The following FARP1 variants were observed in gnomAD, a reference collection of about 807,000 sequenced individuals.
FARP1 encodes FERM, ARHGEF and pleckstrin domain-containing protein 1.
Under a neutral mutation model 128.8 loss-of-function variants are expected in FARP1, and 52 were observed. The ratio of observed to expected loss-of-function variants is 0.40; its 90% CI spans 0.32 to 0.51. The LOEUF is 0.51. Ranked by LOEUF, FARP1 falls within the 20% of genes least tolerant of loss-of-function variation. The probability of loss-of-function intolerance (pLI) is 0.45; values close to 1 mark genes in which losing one functional copy is unlikely to be tolerated. For synonymous variants in FARP1, 580 were observed against 551.8 expected (o/e 1.05, Z -0.72); for missense variants, 1,333 against 1,367.9 (o/e 0.97, Z 0.40).
At chr13:98,347,726 A>C (rs1466676525) in intron 3 of FARP1, among the ~76,000 whole-genome samples, 2 of 152,088 alleles carry the variant, frequency 1.3e-5, no homozygotes, top group African/African-American at 4.8e-5. Context: ...ATTATTTTTT[A>C]ATATCACCAT....
In FARP1 at chr13:98,296,688, C is replaced by CTTT. The variant is rs11420681; in HGVS notation, c.172-47058_172-47056dup. ...TACAAATATAAAGTGACTTAATGGC[C>CTTT]TTTTTTTTTTTTTTTTTTCCTGAGA... On this transcript the variant is annotated intron_variant, in intron 2 of 26. Transcript: ENST00000319562. Among the ~76,000 whole-genome samples the CTTT allele has an allele frequency of 4.5e-4, 56 of 123,266 alleles. 2 individuals are homozygous for CTTT. The highest frequency in any genetic ancestry group is 1.0e-3 in the African/African-American group (34 of 32,382). 80.9% of individuals were successfully genotyped at this position (123,266 alleles called of 152,430 possible).
At chr13:98,402,984 T>A (rs751606081) in intron 13 of FARP1, 21 of 152,246 alleles carry the variant, frequency 1.4e-4, no homozygotes, top group Non-Finnish European at 2.1e-4. Context: ...CTTGTCAGCA[T>A]GTACCTATCT....
At chr13:98,442,244 A>T (rs1481990861) in intron 24 of FARP1, among the ~76,000 whole-genome samples, 2 of 152,230 alleles carry the variant, frequency 1.3e-5, no homozygotes, top group Non-Finnish European at 2.9e-5. Context: ...TCAGGCCAGG[A>T]CAGGAGTTTG....
At chr13:98,448,121 C>A in intron 26 of FARP1, 115 bp from the exon 27 acceptor site, 1 of 840,614 alleles carries the variant, frequency 1.2e-6, no homozygotes, top group Non-Finnish European at 2.0e-6. Flanking sequence ...GCTGAAGTGG[C>A]AGATTACCAA....
chr13:98,365,767 G>A (rs957575702), intron 4 of FARP1, among the ~76,000 whole-genome samples: 28 of 152,206 alleles, frequency 1.8e-4, no homozygotes, highest in African/African-American at 6.8e-4. Flanking sequence ...AAGGGAAGAG[G>A]TGGAGCCATT....
Position 98,453,106 on chromosome 13 carries a change from CTT to C in FARP1, c.*4792_*4793del. On this transcript the variant is annotated 3_prime_UTR_variant, in exon 27 of 27. Coordinates refer to ENST00000319562, the MANE Select transcript of FARP1 (RefSeq NM_005766.4). The stretch of plus-strand genomic sequence containing the variant: ...TGGAGTCAGCGAAGGCTCTCGTTGA[CTT>C]TTAAAAAAGGAGGAGGATGAAGAAG... The C allele has an allele frequency of 6.3e-7, 1 of 1,593,588 alleles. No homozygotes were observed.
intron 2 of FARP1, among the ~76,000 whole-genome samples, chr13:98,315,583 G>T (rs1440273943): frequency 6.6e-6 from 1 of 152,232 alleles, no homozygotes; most frequent in Non-Finnish European, 1.5e-5. Flanking sequence ...AAAGTGCCAT[G>T]TGCAGTAGGA....
At chr13:98,278,335 G>A (rs1331618779) in intron 2 of FARP1, among the ~76,000 whole-genome samples, 1 of 152,120 alleles carries the variant, frequency 6.6e-6, no homozygotes, top group African/African-American at 2.4e-5. Context: ...GTGTATATGT[G>A]TGTGAGTGTG....
At position 98,295,080 on chromosome 13, in the gene FARP1, CACACACACACACACACACACACACATAT is replaced by C. The variant is rs1391622876; in HGVS notation, c.172-48680_172-48653del. 6.4e-3 allele frequency among the ~76,000 whole-genome samples: 646 copies of C among 101,610 alleles called. 16 individuals carry two copies. Among genetic ancestry groups the C allele is most frequent in the South Asian group, 0.036 (105 of 2,924 alleles). The allele number at this position is 101,610 out of a possible 152,430, so 66.7% of individuals were successfully genotyped here. Reference sequence around the variant, plus strand: ...ACACACACACACACACACACACACACACACACACACACACACACACACACATATATCCCCAGGCATTATTTATTTATTT... The same window carrying C: ...ACACACACACACACACACACACACACATCCCCAGGCATTATTTATTTATTT... On this transcript the variant is annotated intron_variant, in intron 2 of 26. Coordinates refer to ENST00000319562, the MANE Select transcript of FARP1 (RefSeq NM_005766.4).
intron 1 of FARP1, among the ~76,000 whole-genome samples, chr13:98,149,898 C>T (rs1253087389): frequency 1.9e-4 from 28 of 149,214 alleles, no homozygotes; most frequent in African/African-American, 4.5e-4. Flanking sequence ...CCACCATGCC[C>T]GGCTAATTTT....
At chr13:98,242,916 A>G (rs1417580875) in intron 2 of FARP1, among the ~76,000 whole-genome samples, 1 of 152,188 alleles carries the variant, frequency 6.6e-6, no homozygotes, top group Non-Finnish European at 1.5e-5. Flanking sequence ...TTTCTGTGGG[A>G]AGAACTTAGG....
intron 2 of FARP1, among the ~76,000 whole-genome samples, chr13:98,290,542 G>A (rs934669467): frequency 6.6e-6 from 1 of 152,056 alleles, no homozygotes; most frequent in East Asian, 1.9e-4. Context: ...GGGACAGTGT[G>A]GTATAGGGTT....
At chr13:98,384,872 C>A in intron 7 of FARP1, 28 bp downstream of exon 7, 1 of 1,407,680 alleles carries the variant, frequency 7.1e-7, no homozygotes, top group Non-Finnish European at 1.0e-6. Context: ...CTTCATATTC[C>A]CTCTGAGCCG....
chr13:98,216,106 G>T (rs764004526), intron 2 of FARP1, among the ~76,000 whole-genome samples: 1 of 152,130 alleles, frequency 6.6e-6, no homozygotes, highest in Non-Finnish European at 1.5e-5. Context: ...AATTTTTCTA[G>T]TTTGGTCAGA....
intron 2 of FARP1, among the ~76,000 whole-genome samples, chr13:98,319,655 C>T (rs1566873768): frequency 2.0e-5 from 3 of 152,344 alleles, no homozygotes; most frequent in African/African-American, 2.4e-5. Context: ...ATTTATCTCT[C>T]TTCTTCCCCT....
chr13:98,149,740 T>C lies in FARP1; in HGVS notation c.-24+6248T>C, dbSNP rs1875844035. Among the ~76,000 whole-genome samples the C allele has an allele frequency of 1.2e-4, 16 of 130,644 alleles. No individual in the cohort carries two copies. The Admixed American group carries it at 1.3e-3, about 10-fold the overall frequency. 85.7% of individuals were successfully genotyped at this position (130,644 alleles called of 152,430 possible). A position where few individuals can be genotyped will look rare whatever the true frequency, so the allele number is the denominator to read the frequency against. ...CTGTTAGATATTTACTTTTTTTTTT[T>C]TTTTTTTTTTTTTTTGAGACGGAGT... On this transcript the variant is annotated intron_variant, in intron 1 of 26. Coordinates refer to ENST00000319562, the MANE Select transcript of FARP1 (RefSeq NM_005766.4).
chr13:98,146,783 G>A (rs550804080), intron 1 of FARP1, among the ~76,000 whole-genome samples: 2 of 152,204 alleles, frequency 1.3e-5, no homozygotes, highest in Non-Finnish European at 2.9e-5. Flanking sequence ...TTAGGCTCTC[G>A]TGGCAGTCTC....
At chr13:98,257,537 C>A (rs1027345246) in intron 2 of FARP1, among the ~76,000 whole-genome samples, 2 of 152,116 alleles carry the variant, frequency 1.3e-5, no homozygotes, top group African/African-American at 4.8e-5. Flanking sequence ...CTTTGGGACG[C>A]CAAGGTGGGT....
At chr13:98,381,066 T>C (rs1889872594) in intron 6 of FARP1, among the ~76,000 whole-genome samples, 2 of 152,186 alleles carry the variant, frequency 1.3e-5, no homozygotes, top group South Asian at 4.1e-4. Flanking sequence ...CCCCAAAGAA[T>C]CTTCCCTTCT....
Sources: gnomAD v4.1 joint callset for allele counts (sites outside exome capture counted in the v4.1 genomes callset) on GRCh38, gnomAD v4.1.1 for gene constraint, MANE v1.5 for transcripts, NCBI Gene and HGNC (gene_info 2026-07-23, HGNC 2026-07-21) for gene names.